CEP89: variants seen among roughly 807,000 people sequenced by gnomAD.
The protein encoded by CEP89 is centrosomal protein of 89 kDa.
Under a neutral mutation model 97.6 loss-of-function variants are expected in CEP89, and 95 were observed. The observed-to-expected ratio is 0.97, with a 90% CI of 0.82 to 1.15. CEP89 has a LOEUF of 1.15. Ranked by LOEUF, CEP89 falls within the 50% of genes most tolerant of loss-of-function variation. The pLI is 0.00. For missense variants in CEP89, 869 were observed against 947.7 expected (o/e 0.92, Z 1.09); for synonymous variants, 354 against 349.1 (o/e 1.01, Z -0.16).
chr19:32,934,088 A>G (rs987317856), intron 7 of CEP89, among the ~76,000 whole-genome samples: 1 of 152,238 alleles, frequency 6.6e-6, no homozygotes, highest in African/African-American at 2.4e-5. Context: ...GAGTGGGGAC[A>G]CAGAGAAAAG....
intron 7 of CEP89, 61 bp downstream of exon 7, chr19:32,937,570 T>G: frequency 8.2e-7 from 1 of 1,222,568 alleles, no homozygotes; most frequent in Non-Finnish European, 1.2e-6. Context: ...TCAGATAAAA[T>G]TAATCTGGAT....
intron 12 of CEP89, 142 bp downstream of exon 12, chr19:32,923,297 T>C (rs538149092): frequency 2.0e-6 from 1 of 496,974 alleles, no homozygotes; most frequent in Non-Finnish European, 3.6e-6. Flanking sequence ...AGGGTTTTAT[T>C]GTACCTTATT....
chr19:32,915,538 A>T (rs777452502), intron 13 of CEP89, 21 bp from the exon 14 acceptor site: 2 of 1,598,252 alleles, frequency 1.3e-6, no homozygotes, highest in Admixed American at 3.6e-5. Context: ...AAAGAGGAAG[A>T]TAAAAACTTG....
chr19:32,932,241 A>G (rs1301258453), intron 8 of CEP89, among the ~76,000 whole-genome samples: 7 of 152,060 alleles, frequency 4.6e-5, no homozygotes, highest in African/African-American at 1.4e-4. Context: ...TATTAGAGCT[A>G]ATAACCTTCC....
intron 14 of CEP89, among the ~76,000 whole-genome samples, chr19:32,912,001 C>T (rs1230378398): frequency 6.6e-6 from 1 of 151,854 alleles, no homozygotes; most frequent in Non-Finnish European, 1.5e-5. Flanking sequence ...CCTAGGCAGG[C>T]GGATCACTTA....
At position 32,931,585 on chromosome 19, in the gene CEP89, T is replaced by C. The variant is rs778903569; in HGVS notation, c.887-14A>G. ...CAGGTGCAGCAACTAGGGAAAAAAA[T>C]TTAATATTATACTATAAGAAATAAC... On this transcript the variant is annotated splice_polypyrimidine_tract_variant and intron_variant, in intron 8 of 18. Transcript: ENST00000305768. 27 of 1,557,362 alleles carry C rather than the reference T, an allele frequency of 1.7e-5. No homozygotes were observed. The African/African-American group carries it at 2.0e-4, about 11-fold the overall frequency.
chr19:32,882,942 T>G (rs990316591), intron 17 of CEP89, among the ~76,000 whole-genome samples: 2 of 152,036 alleles, frequency 1.3e-5, no homozygotes, highest in East Asian at 3.9e-4. Flanking sequence ...CACTGCAAGC[T>G]CCGCCTCCCG....
intron 17 of CEP89, among the ~76,000 whole-genome samples, chr19:32,885,850 A>C (rs866997826): frequency 6.6e-6 from 1 of 151,914 alleles, no homozygotes; most frequent in Non-Finnish European, 1.5e-5. Flanking sequence ...TGTCCACCGA[A>C]TCCTTTGCAC....
At chr19:32,954,111 G>A (rs1233751493) in intron 3 of CEP89, among the ~76,000 whole-genome samples, 2 of 151,878 alleles carry the variant, frequency 1.3e-5, no homozygotes, top group African/African-American at 4.8e-5. Flanking sequence ...CTGACCTCGT[G>A]ATCCGCCCGC....
intron 18 of CEP89, among the ~76,000 whole-genome samples, 164 bp downstream of exon 18, chr19:32,881,680 G>A (rs1257432723): frequency 2.0e-5 from 3 of 152,128 alleles, no homozygotes; most frequent in Non-Finnish European, 4.4e-5. Flanking sequence ...AAGAAGATGA[G>A]GAGCAAATAA....
chr19:32,960,967 G>A (rs931454238), intron 2 of CEP89, among the ~76,000 whole-genome samples: 3 of 152,108 alleles, frequency 2.0e-5, no homozygotes, highest in East Asian at 1.9e-4. Flanking sequence ...ATAGAGTGCC[G>A]GAAAGGAGAG....
At chr19:32,971,412 CTCACGCCTGT>C (rs901168542) in intron 1 of CEP89, 40 of 442,104 alleles carry the variant, frequency 9.0e-5, no homozygotes, top group Non-Finnish European at 1.3e-4. Flanking sequence ...GGCACAGTGG[CTCACGCCTGT>C]GATACCAACA....
intron 2 of CEP89, among the ~76,000 whole-genome samples, chr19:32,962,715 C>A (rs1568584059): frequency 6.6e-6 from 1 of 152,134 alleles, no homozygotes; most frequent in Non-Finnish European, 1.5e-5. Flanking sequence ...ACTTGCAAAT[C>A]ACATATTTGA....
At chr19:32,889,333 G>A (rs990106221) in intron 16 of CEP89, among the ~76,000 whole-genome samples, 3 of 152,262 alleles carry the variant, frequency 2.0e-5, no homozygotes, top group Non-Finnish European at 4.4e-5. Flanking sequence ...CATGGATAGC[G>A]GGTGTCTGCT....
At chr19:32,922,497 T>C (rs1970270156) in intron 12 of CEP89, among the ~76,000 whole-genome samples, 2 of 151,664 alleles carry the variant, frequency 1.3e-5, no homozygotes, top group African/African-American at 4.9e-5. Context: ...GAGGTATGAC[T>C]GAGCCACTGC....
intron 14 of CEP89, among the ~76,000 whole-genome samples, chr19:32,906,612 G>C (rs145329618): frequency 1.1e-3 from 163 of 151,830 alleles, no homozygotes; most frequent in Middle Eastern, 3.4e-3. Flanking sequence ...CAGGCATCCT[G>C]CCTTGAATCA....
intron 16 of CEP89, among the ~76,000 whole-genome samples, chr19:32,888,832 CAA>C (rs1356856357): frequency 4.0e-5 from 6 of 151,546 alleles, no homozygotes; most frequent in Non-Finnish European, 8.8e-5. Context: ...ATTTTTGAGA[CAA>C]AGTCTCGCTC....
Position 32,924,654 on chromosome 19 carries a change from C to T in CEP89, c.1165-1112G>A, listed in dbSNP as rs1045804741. Reference sequence around the variant, plus strand: ...AGTAACTTCTCCTCTCATCTCTCCACCCAGACACACTCACTCACTGCTGGC... The same window carrying T: ...AGTAACTTCTCCTCTCATCTCTCCATCCAGACACACTCACTCACTGCTGGC... On this transcript the variant is annotated intron_variant, in intron 11 of 18. Transcript: ENST00000305768. Among the ~76,000 whole-genome samples the T allele has an allele frequency of 3.3e-5, 5 of 152,214 alleles. No individual in the cohort carries two copies. The South Asian group carries it at 1.0e-3, about 32-fold the overall frequency.
chr19:32,886,462 G>A lies in CEP89; in HGVS notation c.1965+1290C>T, dbSNP rs184378240. ...CTGCATCCCTCAGTTCCCAGATCTCGTCACAGCCCCGGATTTCCAAGGTGA... is the reference window on the plus strand; with the variant it reads ...CTGCATCCCTCAGTTCCCAGATCTCATCACAGCCCCGGATTTCCAAGGTGA... On this transcript the variant is annotated intron_variant, in intron 17 of 18. Transcript: ENST00000305768. Among the ~76,000 whole-genome samples the A allele has an allele frequency of 5.3e-5, 8 of 152,202 alleles. No homozygotes were observed. In the East Asian group the frequency reaches 1.4e-3, roughly 26 times the overall value.
Sources: gnomAD v4.1 joint callset for allele counts (sites outside exome capture counted in the v4.1 genomes callset) on GRCh38, gnomAD v4.1.1 for gene constraint, MANE v1.5 for transcripts, NCBI Gene and HGNC (gene_info 2026-07-23, HGNC 2026-07-21) for gene names.